RCOR1: variants seen among roughly 807,000 people sequenced by gnomAD.
RCOR1 encodes the protein REST corepressor.
RCOR1 carries 12 observed loss-of-function variants against 64.0 expected under a neutral mutation model. The ratio of observed to expected loss-of-function variants is 0.19; its 90% confidence interval spans 0.12 to 0.30. RCOR1 has a LOEUF of 0.30. Ranked by LOEUF, RCOR1 falls within the 10% of genes least tolerant of loss-of-function variation. The probability of loss-of-function intolerance (pLI) is 1.00; values close to 1 mark genes in which losing one functional copy is unlikely to be tolerated. For synonymous variants in RCOR1, 279 were observed against 227.2 expected, an observed-to-expected ratio of 1.23 and a Z score of -2.05; for missense variants, 502 against 621.2, an observed-to-expected ratio of 0.81 and a Z score of 2.04.
At chr14:102,670,105 C>T (rs752721076) in intron 2 of RCOR1, among the ~76,000 whole-genome samples, 1 of 152,108 alleles carries the variant, frequency 6.6e-6, no homozygotes, top group Non-Finnish European at 1.5e-5. Flanking sequence ...TGTGTGCCAC[C>T]ATGCCCGACT....
intron 2 of RCOR1, chr14:102,629,940 C>T: frequency 1.1e-6 from 1 of 928,070 alleles, no homozygotes; most frequent in Non-Finnish European, 1.3e-6. Context: ...AGTGACTTGA[C>T]TATTATTACA....
intron 2 of RCOR1, among the ~76,000 whole-genome samples, chr14:102,610,401 C>T (rs1399005613): frequency 6.6e-6 from 1 of 151,998 alleles, no homozygotes; most frequent in Admixed American, 6.6e-5. Flanking sequence ...CCTTCTGTTA[C>T]ACTAGGCACA....
chr14:102,696,462 C>A, intron 3 of RCOR1, among the ~76,000 whole-genome samples: 1 of 152,182 alleles, frequency 6.6e-6, no homozygotes, highest in East Asian at 1.9e-4. Flanking sequence ...CCAGGTTGCA[C>A]AGGCAGGCCT....
intron 3 of RCOR1, among the ~76,000 whole-genome samples, chr14:102,698,144 T>A (rs1274431531): frequency 6.6e-6 from 1 of 152,230 alleles, no homozygotes; most frequent in African/African-American, 2.4e-5. Context: ...ACTGTTACTG[T>A]CTTGTTGTTC....
At chr14:102,725,865 C>T (rs189062309) in intron 11 of RCOR1, among the ~76,000 whole-genome samples, 91 of 152,216 alleles carry the variant, frequency 6.0e-4, no homozygotes, top group African/African-American at 1.9e-3. Context: ...GCCACTGTGC[C>T]GGGCCGTTTT....
chr14:102,675,244 C>A (rs1351323510), intron 2 of RCOR1, among the ~76,000 whole-genome samples: 2 of 151,878 alleles, frequency 1.3e-5, no homozygotes, highest in East Asian at 3.9e-4. Context: ...GACATGTATA[C>A]AATACTCCTC....
At chr14:102,630,812 T>G (rs2139909476) in intron 2 of RCOR1, among the ~76,000 whole-genome samples, 1 of 152,258 alleles carries the variant, frequency 6.6e-6, no homozygotes, top group Admixed American at 6.6e-5. Context: ...CACTCAGATT[T>G]AATGGCTTAA....
At chr14:102,666,951 A>G (rs889851503) in intron 2 of RCOR1, among the ~76,000 whole-genome samples, 4 of 152,104 alleles carry the variant, frequency 2.6e-5, no homozygotes, top group Non-Finnish European at 4.4e-5. Flanking sequence ...TTTTGGAAAG[A>G]GGTCACTATG....
chr14:102,674,449 G>A (rs188191941), intron 2 of RCOR1, among the ~76,000 whole-genome samples: 1 of 152,162 alleles, frequency 6.6e-6, no homozygotes, highest in African/African-American at 2.4e-5. Flanking sequence ...ACCATATGCT[G>A]ATGTTTTCTG....
intron 2 of RCOR1, among the ~76,000 whole-genome samples, chr14:102,607,127 T>C (rs1231858367): frequency 4.6e-5 from 7 of 152,078 alleles, no homozygotes; most frequent in Non-Finnish European, 1.0e-4. Flanking sequence ...GAGACGGGGT[T>C]TTTCCATGTT....
intron 2 of RCOR1, among the ~76,000 whole-genome samples, chr14:102,629,229 C>T (rs1163359240): frequency 1.3e-5 from 2 of 152,172 alleles, no homozygotes; most frequent in Admixed American, 1.3e-4. Context: ...ATGTGACATT[C>T]TCATGAGGGT....
chr14:102,652,748 T>G (rs1021282331), intron 2 of RCOR1, among the ~76,000 whole-genome samples: 1 of 152,186 alleles, frequency 6.6e-6, no homozygotes, highest in Non-Finnish European at 1.5e-5. Flanking sequence ...TTTAACATTT[T>G]CTATCTTCCA....
At chr14:102,707,231 C>T (rs995179453) in intron 4 of RCOR1, 120 bp from the exon 5 acceptor site, 66 of 741,734 alleles carry the variant, frequency 8.9e-5, no homozygotes, top group Admixed American at 9.1e-5. Context: ...TGCCACTTAG[C>T]GCTGTAGATG....
In RCOR1 at chr14:102,656,381, C is replaced by T. The variant is rs141767691; in HGVS notation, c.362-25514C>T. On this transcript the variant is annotated intron_variant, in intron 2 of 11. Coordinates refer to ENST00000262241, the MANE Select transcript of RCOR1 (RefSeq NM_015156.4). The stretch of plus-strand genomic sequence containing the variant: ...CTCAAACTCCTGACCTCAAGCGATC[C>T]GCCTGCTCAGCCTCCCTGAGTATTG... Among the ~76,000 whole-genome samples, 824 of 150,884 alleles carry T rather than the reference C, an allele frequency of 5.5e-3. 5 individuals carry two copies. Among genetic ancestry groups the T allele is most frequent in the Non-Finnish European group, 7.3e-3 (496 of 67,646 alleles).
intron 2 of RCOR1, among the ~76,000 whole-genome samples, chr14:102,651,501 C>G (rs1271761835): frequency 6.7e-6 from 1 of 149,846 alleles, no homozygotes; most frequent in Admixed American, 6.7e-5. Flanking sequence ...TGCAGTGAGC[C>G]GAGATTGCGC....
rs543431788 is a variant in RCOR1 at position 102,666,118 on chromosome 14, G to A, written c.362-15777G>A. On this transcript the variant is annotated intron_variant, in intron 2 of 11. Transcript: ENST00000262241. The stretch of plus-strand genomic sequence containing the variant: ...TTGAGGGGTCTTGAAGCATTATTAG[G>A]AGTTAGCTGGTGGGAAAAGATAAAG... Among the ~76,000 whole-genome samples, 33 of 152,284 alleles carry A rather than the reference G, an allele frequency of 2.2e-4. No homozygotes were observed. The Middle Eastern group carries it at 0.017, about 78-fold the overall frequency.
intron 7 of RCOR1, among the ~76,000 whole-genome samples, chr14:102,713,517 C>T (rs537257588): frequency 2.0e-5 from 3 of 151,758 alleles, no homozygotes; most frequent in African/African-American, 7.3e-5. Flanking sequence ...CTCCTGACTT[C>T]GTGATCCGCC....
At chr14:102,687,399 T>C (rs1895443294) in intron 3 of RCOR1, among the ~76,000 whole-genome samples, 1 of 152,222 alleles carries the variant, frequency 6.6e-6, no homozygotes, top group Non-Finnish European at 1.5e-5. Context: ...GGCTGCTTCA[T>C]TTAATAAACT....
intron 2 of RCOR1, among the ~76,000 whole-genome samples, chr14:102,595,766 A>G (rs1405477645): frequency 6.6e-6 from 1 of 151,820 alleles, no homozygotes; most frequent in Non-Finnish European, 1.5e-5. Flanking sequence ...TTTTTAGTGG[A>G]GACGGGGTTT....
Sources: gnomAD v4.1 joint callset for allele counts (sites outside exome capture counted in the v4.1 genomes callset) on GRCh38, gnomAD v4.1.1 for gene constraint, MANE v1.5 for transcripts, NCBI Gene and HGNC (gene_info 2026-07-23, HGNC 2026-07-21) for gene names.